UBN1: variants seen among roughly 807,000 people sequenced by gnomAD.
UBN1 encodes ubinuclein 1.
A neutral mutation model predicts 108.5 loss-of-function variants in UBN1; 17 were observed. The ratio of observed to expected loss-of-function variants is 0.16; its 90% confidence interval spans 0.11 to 0.24. The LOEUF (loss-of-function observed/expected upper bound fraction) is 0.24. UBN1 is among the 10% of genes least tolerant of loss of function. The pLI is 1.00. For missense variants in UBN1, 1,595 were observed against 1,394.4 expected, an observed-to-expected ratio of 1.14 and a Z score of -2.29; for synonymous variants, 726 against 564.2, an observed-to-expected ratio of 1.29 and a Z score of -4.07.
At chr16:4,865,819 G>A (rs188737694) in intron 7 of UBN1, among the ~76,000 whole-genome samples, 72 of 152,054 alleles carry the variant, frequency 4.7e-4, no homozygotes, top group Middle Eastern at 3.4e-3. Flanking sequence ...AAAATTAGCC[G>A]AACATGGGGG....
Position 4,881,060 on chromosome 16 carries a change from C to CAAG in UBN1, c.*929_*931dup, listed in dbSNP as rs1439429895. The CAAG allele has an allele frequency of 6.6e-6, 1 of 152,532 alleles. No individual in the cohort carries two copies. Among genetic ancestry groups the CAAG allele is most frequent in the African/African-American group, 2.4e-5 (1 of 41,436 alleles). 9.4% of individuals were successfully genotyped at this position (152,532 alleles called of 1,614,324 possible). ...GAAGGTTGTCTGGGCCCCCAAATTC[C>CAAG]AAGTCCCAGTATAGCCAGGGCTCCC... On this transcript the variant is annotated 3_prime_UTR_variant, in exon 18 of 18. Coordinates refer to ENST00000262376, the MANE Select transcript of UBN1 (RefSeq NM_001079514.3).
intron 6 of UBN1, among the ~76,000 whole-genome samples, chr16:4,860,449 A>G (rs1044296330): frequency 2.0e-5 from 3 of 152,164 alleles, no homozygotes; most frequent in Non-Finnish European, 2.9e-5. Context: ...GAAATTTAGC[A>G]TATGTGACAC....
rs772067864 is a variant in UBN1 at position 4,873,685 on chromosome 16, C to T, written c.1801-526C>T. ...TTGAGCTCCCACAATGTCCCAGACA[C>T]ACTGTATTAAGCACCAGGGATGCAG... On this transcript the variant is annotated intron_variant, in intron 14 of 17. Transcript: ENST00000262376. Among the ~76,000 whole-genome samples, 3 of 152,208 alleles carry T rather than the reference C, an allele frequency of 2.0e-5. No homozygotes were observed. In the East Asian group the frequency reaches 5.8e-4, roughly 29 times the overall value.
At chr16:4,870,036 T>G (rs1246821829) in intron 8 of UBN1, among the ~76,000 whole-genome samples, 176 bp from the exon 9 acceptor site, 2 of 152,176 alleles carry the variant, frequency 1.3e-5, no homozygotes, top group Admixed American at 1.3e-4. Context: ...TGGGAGTTGT[T>G]GTTGTTTGTT....
rs2087916851 is a variant in UBN1, at chr16:4,877,015, T to C, written c.3169T>C (p.Ser1057Pro). 1 of 1,614,224 alleles carries C rather than the reference T, an allele frequency of 6.2e-7. No homozygotes were observed. The highest frequency in any genetic ancestry group is 8.5e-7 in the Non-Finnish European group (1 of 1,180,036). ...TPVPIPVHVL[S>P]FSADSSAKAG... ...TGTCCCTATTCCTGTCCATGTGCTC[T>C]CCTTCAGCGCTGACTCCTCTGCCAA... The change falls in exon 16 of 18, where the codon TCC (serine) becomes CCC (proline). Residue 1057 changes from serine to proline, a missense_variant. Coordinates refer to ENST00000262376, the MANE Select transcript of UBN1 (RefSeq NM_001079514.3). The surrounding 1 kb of genome is among the most constrained non-coding windows in gnomAD (Gnocchi z 4.3).
chr16:4,865,616 G>A (rs1207656648), intron 7 of UBN1, among the ~76,000 whole-genome samples: 1 of 152,106 alleles, frequency 6.6e-6, no homozygotes, highest in East Asian at 1.9e-4. Flanking sequence ...GGCTGTATGA[G>A]CTGCGATCAC....
At position 4,876,950 on chromosome 16, in the gene UBN1, C is replaced by G. The variant is rs776519971; in HGVS notation, c.3104C>G (p.Ser1035Cys). 4 of 1,614,222 alleles carry G rather than the reference C, an allele frequency of 2.5e-6. No individual in the cohort carries two copies. Among genetic ancestry groups the G allele is most frequent in the Non-Finnish European group, 3.4e-6 (4 of 1,180,038 alleles). The stretch of plus-strand genomic sequence containing the variant: ...TACAAATCCAGCAGCCCAAAGCTGT[C>G]TGGGGCCATGAGCTCGAACTCCTTG... Reference protein sequence around the residue: ...SPYKSSSPKLSGAMSSNSLGI... With the variant: ...SPYKSSSPKLCGAMSSNSLGI... The change falls in exon 16 of 18, where the codon TCT becomes TGT. Residue 1035 changes from serine to cysteine, a missense_variant. Ser to Cys is a moderately radical substitution (Grantham distance 112). This residue lies in a region of UBN1 where 1,398 missense variants were observed against 1,194.7 expected (regional missense o/e 1.17). Coordinates refer to ENST00000262376, the MANE Select transcript of UBN1 (RefSeq NM_001079514.3).
intron 1 of UBN1, 130 bp downstream of exon 1, chr16:4,848,340 G>A (rs914338456): frequency 6.6e-6 from 1 of 152,248 alleles, no homozygotes; most frequent in Non-Finnish European, 1.5e-5. Context: ...ACCATGAACT[G>A]GGAAGTGTTA....
At chr16:4,862,085 TATC>T (rs1438306862) in intron 7 of UBN1, among the ~76,000 whole-genome samples, 1 of 152,212 alleles carries the variant, frequency 6.6e-6, no homozygotes, top group Non-Finnish European at 1.5e-5. Flanking sequence ...TTGGTTGTAA[TATC>T]ATTTACCTTT....
chr16:4,876,793 CT>C lies in UBN1; in HGVS notation c.3025-75del, dbSNP rs1189213748. The C allele has an allele frequency of 2.0e-6, 3 of 1,519,172 alleles. No individual in the cohort carries two copies. The East Asian group carries it at 6.8e-5, about 35-fold the overall frequency. The allele number at this position is 1,519,172 out of a possible 1,614,324, so 94.1% of individuals were successfully genotyped here. A position where few individuals can be genotyped will look rare whatever the true frequency, so the allele number is the denominator to read the frequency against. On this transcript the variant is annotated intron_variant, in intron 15 of 17. Coordinates refer to ENST00000262376, the MANE Select transcript of UBN1 (RefSeq NM_001079514.3). ...CCTTTGTGGACACACAAGGAGGATC[CT>C]TTGTGTTGCCAGGTTTGGTGTGAGT...
At chr16:4,858,270 G>C (rs558303707) in intron 3 of UBN1, among the ~76,000 whole-genome samples, 194 bp downstream of exon 3, 1 of 152,328 alleles carries the variant, frequency 6.6e-6, no homozygotes, top group African/African-American at 2.4e-5. Flanking sequence ...AGTGTGAAGA[G>C]CTAACTGGAC....
At chr16:4,860,543 C>G (rs1025900859) in intron 6 of UBN1, 121 bp from the exon 7 acceptor site, 9 of 1,015,454 alleles carry the variant, frequency 8.9e-6, no homozygotes, top group Non-Finnish European at 1.3e-5. Context: ...GGAGGAATGA[C>G]AGGGTGGACT....
chr16:4,877,326 C>G lies in UBN1; in HGVS notation c.3266-59C>G. The G allele has an allele frequency of 6.4e-7, 1 of 1,568,996 alleles. No homozygotes were observed. The highest frequency in any genetic ancestry group is 8.7e-7 in the Non-Finnish European group (1 of 1,153,298). On this transcript the variant is annotated intron_variant, in intron 16 of 17. Coordinates refer to ENST00000262376, the MANE Select transcript of UBN1 (RefSeq NM_001079514.3). The surrounding 1 kb of genome is among the most constrained non-coding windows in gnomAD (Gnocchi z 4.3). ...GGCTTTTGGCTGCTGGAGCTGCTTT[C>G]CTGTTCCTGTCTTCAATGTGTGTGT...
chr16:4,872,161 T>A, intron 12 of UBN1: 1 of 983,832 alleles, frequency 1.0e-6, no homozygotes, highest in Non-Finnish European at 1.2e-6. Context: ...TCTTGGAACC[T>A]TTGAAATTGC....
chr16:4,859,061 T>C lies in UBN1; in HGVS notation c.469T>C (p.Tyr157His). ...TGTTCCTGCTTCTTTGACTACGAAG[T>C]ATGGAGGATTTTACATTAACTCGGG... Reference protein sequence around the residue: ...ELVPASLTTKYGGFYINSGTL... With the variant: ...ELVPASLTTKHGGFYINSGTL... Residue 157 changes from tyrosine (Y) to histidine (H), a missense_variant, in exon 5 of 18, where the codon TAT (tyrosine) becomes CAT (histidine). Physicochemically the swap from Tyr to His is moderately conservative, Grantham distance 83. Around this residue, in one of 3 missense-constraint regions of UBN1, gnomAD observed 16 missense variants for 42.4 expected, o/e 0.38. Coordinates refer to ENST00000262376, the MANE Select transcript of UBN1 (RefSeq NM_001079514.3). 6.2e-7 allele frequency: 1 copy of C among 1,614,140 alleles called. No individual in the cohort carries two copies. The highest frequency in any genetic ancestry group is 8.5e-7 in the Non-Finnish European group (1 of 1,180,030).
rs2087964687 is a variant in UBN1 at position 4,877,987 on chromosome 16, A to G, written c.3355+513A>G. ...GGCCACAGTGCAAGACTTTGAGAGGAGCAGCTTTAAATCTGTCCAAGTGTG... is the reference window on the plus strand; with the variant it reads ...GGCCACAGTGCAAGACTTTGAGAGGGGCAGCTTTAAATCTGTCCAAGTGTG... On this transcript the variant is annotated intron_variant, in intron 17 of 17. Coordinates refer to ENST00000262376, the MANE Select transcript of UBN1 (RefSeq NM_001079514.3). This position sits in a 1 kb window ranked among gnomAD's most constrained non-coding sequence, Gnocchi z 4.3. 6.6e-6 allele frequency among the ~76,000 whole-genome samples: 1 copy of G among 152,124 alleles called. No individual in the cohort carries two copies. The highest frequency in any genetic ancestry group is 1.5e-5 in the Non-Finnish European group (1 of 68,026).
At chr16:4,869,813 G>A (rs1035135359) in intron 8 of UBN1, among the ~76,000 whole-genome samples, 1 of 152,160 alleles carries the variant, frequency 6.6e-6, no homozygotes, top group African/African-American at 2.4e-5. Context: ...ACCTCATAAT[G>A]GTTGATAAAC....
At chr16:4,850,565 T>G (rs1189097486) in intron 1 of UBN1, among the ~76,000 whole-genome samples, 1 of 152,212 alleles carries the variant, frequency 6.6e-6, no homozygotes, top group African/African-American at 2.4e-5. Flanking sequence ...GAGATTTCTT[T>G]TAGGGAAATC....
chr16:4,853,243 G>A, intron 2 of UBN1, 77 bp downstream of exon 2: 1 of 1,531,110 alleles, frequency 6.5e-7, no homozygotes, highest in Non-Finnish European at 8.8e-7. Context: ...CTTCCGTAGC[G>A]GGGAAGCAAG....
Sources: allele counts gnomAD v4.1 joint callset (sites outside exome capture counted in the v4.1 genomes callset), GRCh38; gene constraint gnomAD v4.1.1; regional missense constraint gnomAD v4.1.1; non-coding constraint Gnocchi (gnomAD v3.1); transcripts MANE v1.5; gene names NCBI Gene and HGNC (gene_info 2026-07-23, HGNC 2026-07-21).